DMXL2: variants seen among roughly 807,000 people sequenced by gnomAD.
The protein encoded by DMXL2 is Dmx like 2.
DMXL2 carries 103 observed loss-of-function variants against 331.1 expected under a neutral mutation model. The observed-to-expected ratio is 0.31, with a 90% CI of 0.27 to 0.37. The LOEUF is 0.37. DMXL2 is among the 10% of genes least tolerant of loss of function. DMXL2 has a pLI of 1.00. For missense variants in DMXL2, 3,171 were observed against 3,642.9 expected (o/e 0.87, Z 3.33); for synonymous variants, 1,281 against 1,252.1 (o/e 1.02, Z -0.49).
rs76380097 is a variant in DMXL2, at chr15:51,504,734, C to T, written c.2765-1701G>A. ...TGAAATAAGACTACAAACTTGGATC[C>T]GTAGTCAGAAGACAGAGTCCCACTC... On this transcript the variant is annotated intron_variant, in intron 16 of 43. Coordinates refer to ENST00000560891, the MANE Select transcript of DMXL2 (RefSeq NM_001378457.1). 2.7e-3 allele frequency among the ~76,000 whole-genome samples: 413 copies of T among 152,240 alleles called. 19 individuals are homozygous for T. In the East Asian group the frequency reaches 0.065, roughly 24 times the overall value.
Position 51,565,088 on chromosome 15 carries a change from CT to C in DMXL2, c.363del (p.Asp122IlefsTer5). 2 of 1,516,202 alleles carry C rather than the reference CT, an allele frequency of 1.3e-6. No individual in the cohort carries two copies. The highest frequency in any genetic ancestry group is 1.8e-6 in the Non-Finnish European group (2 of 1,133,790). The allele number at this position is 1,516,202 out of a possible 1,614,324, so 93.9% of individuals were successfully genotyped here. ...AATTTTAAATACAATTGCTAAATACCTTGAGGATCCCATGCTAAGTTGTATG... is the reference window on the plus strand; with the variant it reads ...AATTTTAAATACAATTGCTAAATACCTGAGGATCCCATGCTAAGTTGTATG... ...SVTYNLAWDP[Q>X]DNRLLTATDS... On this transcript the variant is annotated frameshift_variant and splice_region_variant, in exon 4 of 44. Transcript: ENST00000560891. LOFTEE classifies it high-confidence loss of function.
rs58113467 is a variant in DMXL2, at chr15:51,605,517, CTTTTTTTTTTTTTTTTTTT to C, written c.87+16923_87+16941del. On this transcript the variant is annotated intron_variant, in intron 1 of 43. Transcript: ENST00000560891. Reference sequence around the variant, plus strand: ...GGCCCAGCCCATACAGATTAATATTCTTTTTTTTTTTTTTTTTTTTTTTTTTTTTTTTTTTTTGAGACGG... The same window carrying C: ...GGCCCAGCCCATACAGATTAATATTCTTTTTTTTTTTTTTTTTTGAGACGG... Among the ~76,000 whole-genome samples, 28 of 22,226 alleles carry C rather than the reference CTTTTTTTTTTTTTTTTTTT, an allele frequency of 1.3e-3. 2 individuals carry two copies. Among genetic ancestry groups the C allele is most frequent in the East Asian group, 6.9e-3 (7 of 1,010 alleles). 14.6% of individuals were successfully genotyped at this position (22,226 alleles called of 152,430 possible).
chr15:51,451,844 A>G (rs2039171396), intron 41 of DMXL2, 147 bp from the exon 42 acceptor site: 2 of 644,860 alleles, frequency 3.1e-6, no homozygotes, highest in East Asian at 2.9e-5. Flanking sequence ...GTGATTCCCA[A>G]CTAGGATGGG....
At chr15:51,620,799 C>CTGG (rs541895627) in intron 1 of DMXL2, among the ~76,000 whole-genome samples, 300 of 152,266 alleles carry the variant, frequency 2.0e-3, no homozygotes, top group Non-Finnish European at 3.0e-3. Context: ...GAAAATGACT[C>CTGG]TAAGCATCTG....
rs1221412905 is a variant in DMXL2 at position 51,498,999 on chromosome 15, T to C, written c.4225A>G (p.Thr1409Ala). Residue 1409 changes from threonine (T) to alanine (A), a missense_variant, in exon 18 of 44, where the codon ACA becomes GCA. This residue lies in a region of DMXL2 where 1,674 missense variants were observed against 1,780.2 expected (regional missense o/e 0.94). Coordinates refer to ENST00000560891, the MANE Select transcript of DMXL2 (RefSeq NM_001378457.1). Reference protein sequence around the residue: ...ISVSGSTAKETVTVGKDGTRD... With the variant: ...ISVSGSTAKEAVTVGKDGTRD... ...GTACCATCTTTTCCTACGGTGACTG[T>C]TTCCTTTGCTGTACTGCCACTTACA... The C allele has an allele frequency of 4.3e-6, 7 of 1,614,046 alleles. No homozygotes were observed. The highest frequency in any genetic ancestry group is 2.2e-5 in the South Asian group (2 of 91,086).
At chr15:51,502,281 A>C (rs1462896689) in intron 17 of DMXL2, among the ~76,000 whole-genome samples, 1 of 147,184 alleles carries the variant, frequency 6.8e-6, no homozygotes, top group African/African-American at 2.6e-5. Flanking sequence ...AGCTGATTAC[A>C]TTTATCACAG....
chr15:51,488,417 A>T, intron 21 of DMXL2, 131 bp downstream of exon 21: 1 of 840,662 alleles, frequency 1.2e-6, no homozygotes, highest in Non-Finnish European at 1.9e-6. Context: ...TTTTTCAGCT[A>T]AAGGAACCAG....
chr15:51,616,738 G>A (rs542239221), intron 1 of DMXL2, among the ~76,000 whole-genome samples: 1 of 152,144 alleles, frequency 6.6e-6, no homozygotes, highest in East Asian at 1.9e-4. Flanking sequence ...AAGAGTTCAA[G>A]CCAGCCTGGC....
chr15:51,593,728 G>A (rs573923045), intron 1 of DMXL2, among the ~76,000 whole-genome samples: 2 of 152,312 alleles, frequency 1.3e-5, no homozygotes, highest in East Asian at 1.9e-4. Flanking sequence ...TCAGACCACA[G>A]TGCAATCAAA....
chr15:51,581,546 A>G (rs572048966), intron 1 of DMXL2, among the ~76,000 whole-genome samples: 1 of 152,338 alleles, frequency 6.6e-6, no homozygotes, highest in South Asian at 2.1e-4. Flanking sequence ...AAGAGGCATA[A>G]CACACTCATT....
rs944944017 is a variant in DMXL2, at chr15:51,622,622, C to G, written c.-77G>C. The G allele has an allele frequency of 1.8e-5, 27 of 1,488,038 alleles. No homozygotes were observed. The African/African-American group carries it at 3.4e-4, about 19-fold the overall frequency. 92.2% of individuals were successfully genotyped at this position (1,488,038 alleles called of 1,614,324 possible). The stretch of plus-strand genomic sequence containing the variant: ...CCTGACCCTCCTCGGGCTGCGAGAG[C>G]CGTTTCCCTCTGTGCCTCCCTCGGA... On this transcript the variant is annotated 5_prime_UTR_variant, in exon 1 of 44. Transcript: ENST00000560891.
intron 7 of DMXL2, 89 bp from the exon 8 acceptor site, chr15:51,545,855 C>T (rs1302933024): frequency 2.8e-6 from 3 of 1,071,284 alleles, no homozygotes; most frequent in African/African-American, 1.6e-5. Flanking sequence ...ATAAAGATAA[C>T]ATTAGTGCAA....
chr15:51,504,106 C>T (rs1209913395), intron 16 of DMXL2, among the ~76,000 whole-genome samples: 1 of 152,070 alleles, frequency 6.6e-6, no homozygotes, highest in East Asian at 1.9e-4. Context: ...CCAGGCCTAA[C>T]CACAGAGACA....
intron 27 of DMXL2, among the ~76,000 whole-genome samples, chr15:51,476,081 T>G (rs1345785889): frequency 1.3e-5 from 2 of 152,214 alleles, no homozygotes; most frequent in Non-Finnish European, 2.9e-5. Flanking sequence ...AATATACACT[T>G]AGGATATTGA....
intron 1 of DMXL2, among the ~76,000 whole-genome samples, chr15:51,594,036 G>T (rs1209105475): frequency 6.6e-6 from 1 of 152,136 alleles, no homozygotes; most frequent in African/African-American, 2.4e-5. Flanking sequence ...ACAGTCAAAA[G>T]CTAGCAGAAG....
In DMXL2 at chr15:51,488,054, T is replaced by C; in HGVS notation, c.5117A>G (p.Lys1706Arg). Residue 1706 changes from lysine (K) to arginine (R), a missense_variant, in exon 22 of 44, where the codon AAA becomes AGA. Transcript: ENST00000560891. ...GGAAAAAGCATTTTTCAAAGCAGCTTTTCGCCATCTATCTTCATTAAAGTT... is the reference window on the plus strand; with the variant it reads ...GGAAAAAGCATTTTTCAAAGCAGCTCTTCGCCATCTATCTTCATTAAAGTT... ...SHNFNEDRWR[K>R]AALKNAFSLL... 1 of 1,613,536 alleles carries C rather than the reference T, an allele frequency of 6.2e-7. No homozygotes were observed. The highest frequency in any genetic ancestry group is 8.5e-7 in the Non-Finnish European group (1 of 1,179,820).
At chr15:51,503,388 C>T (rs1339984827) in intron 16 of DMXL2, among the ~76,000 whole-genome samples, 1 of 152,106 alleles carries the variant, frequency 6.6e-6, no homozygotes, top group Admixed American at 6.6e-5. Context: ...TACTATTCAG[C>T]TATAAACAAG....
intron 15 of DMXL2, among the ~76,000 whole-genome samples, chr15:51,510,078 T>A (rs2046662202): frequency 6.6e-6 from 1 of 152,200 alleles, no homozygotes; most frequent in Non-Finnish European, 1.5e-5. Context: ...GAGCTATTTA[T>A]GACAAACCCA....
At chr15:51,497,351 A>G (rs1298066554) in intron 18 of DMXL2, among the ~76,000 whole-genome samples, 1 of 152,226 alleles carries the variant, frequency 6.6e-6, no homozygotes, top group East Asian at 1.9e-4. Context: ...AAAAGGGTAC[A>G]GGCTTTGAGT....
Sources: gnomAD v4.1 joint callset for allele counts (sites outside exome capture counted in the v4.1 genomes callset) on GRCh38, gnomAD v4.1.1 for gene constraint, gnomAD v4.1.1 regional missense constraint, MANE v1.5 for transcripts, NCBI Gene and HGNC (gene_info 2026-07-23, HGNC 2026-07-21) for gene names.